Variants in CRY1 observed in about 807,000 individuals in gnomAD.
CRY1 encodes cryptochrome-1.
CRY1 carries 45 observed loss-of-function variants against 76.0 expected under a neutral mutation model. The observed-to-expected ratio is 0.59, with a 90% CI of 0.47 to 0.76. The LOEUF is 0.76. CRY1 is among the 30% of genes least tolerant of loss of function. The pLI, the probability that CRY1 is intolerant of heterozygous loss-of-function variation, is 0.00. For synonymous variants in CRY1, 248 were observed against 244.0 expected, an observed-to-expected ratio of 1.02 and a Z score of -0.15; for missense variants, 587 against 716.4, an observed-to-expected ratio of 0.82 and a Z score of 2.06.
intron 5 of CRY1, among the ~76,000 whole-genome samples, chr12:107,000,287 T>C (rs1044604728): frequency 4.6e-5 from 7 of 152,106 alleles, no homozygotes; most frequent in African/African-American, 1.7e-4. Context: ...GTGCAGCACA[T>C]ACTCATGTGA....
At chr12:107,041,263 C>A (rs1163157140) in intron 1 of CRY1, among the ~76,000 whole-genome samples, 1 of 151,610 alleles carries the variant, frequency 6.6e-6, no homozygotes, top group Non-Finnish European at 1.5e-5. Flanking sequence ...TTAAAATACA[C>A]AAATTTATTG....
intron 1 of CRY1, among the ~76,000 whole-genome samples, chr12:107,052,869 A>G (rs187372540): frequency 6.8e-4 from 103 of 152,352 alleles, no homozygotes; most frequent in Non-Finnish European, 1.2e-3. Context: ...GACATCTTGT[A>G]GACTATGGTA....
At chr12:107,012,932 T>C (rs965067009) in intron 2 of CRY1, among the ~76,000 whole-genome samples, 2 of 152,158 alleles carry the variant, frequency 1.3e-5, no homozygotes, top group African/African-American at 4.8e-5. Context: ...ATTACTGCAA[T>C]CTTATGATAA....
At chr12:107,028,804 T>C (rs1381138076) in intron 1 of CRY1, among the ~76,000 whole-genome samples, 5 of 152,212 alleles carry the variant, frequency 3.3e-5, no homozygotes, top group Non-Finnish European at 7.4e-5. Context: ...TGAGTGATAT[T>C]GCCTTTGGTG....
At chr12:107,087,526 T>A (rs1953417717) in intron 1 of CRY1, among the ~76,000 whole-genome samples, 1 of 152,270 alleles carries the variant, frequency 6.6e-6, no homozygotes, top group Admixed American at 6.5e-5. Context: ...GGTTTCAGAC[T>A]TGGGTGGGTC....
Position 107,013,490 on chromosome 12 carries a change from T to C in CRY1, c.268-8242A>G, listed in dbSNP as rs554176223. On this transcript the variant is annotated intron_variant, in intron 2 of 12. Transcript: ENST00000008527. ...ACATATGCATTGGAAAACAAAAAAA[T>C]TGTGACTTGCTTTATTGTGATGTTT... Among the ~76,000 whole-genome samples, 79 of 152,302 alleles carry C rather than the reference T, an allele frequency of 5.2e-4. 1 individual carries two copies. Among genetic ancestry groups the C allele is most frequent in the African/African-American group, 1.9e-3 (78 of 41,558 alleles).
In CRY1 at chr12:107,059,261, T is replaced by C. The variant is rs188678466; in HGVS notation, c.158+33543A>G. 7.6e-4 allele frequency among the ~76,000 whole-genome samples: 116 copies of C among 152,318 alleles called. No individual in the cohort carries two copies. In the East Asian group the frequency reaches 0.019, roughly 25 times the overall value. ...ATGGGACATGAATAGAGATTTTGTT[T>C]ATTTTTCTGAAACAGGGTCTTGTTC... is the stretch of plus-strand genomic sequence containing the variant. On this transcript the variant is annotated intron_variant, in intron 1 of 12. Transcript: ENST00000008527.
chr12:107,006,374 T>G (rs1952375150), intron 2 of CRY1, among the ~76,000 whole-genome samples: 1 of 149,762 alleles, frequency 6.7e-6, no homozygotes, highest in South Asian at 2.1e-4. Context: ...AGGCTCCATC[T>G]CAAAAAAAAA....
chr12:107,088,604 C>G (rs1468972240), intron 1 of CRY1, among the ~76,000 whole-genome samples: 1 of 152,198 alleles, frequency 6.6e-6, no homozygotes, highest in East Asian at 1.9e-4. Flanking sequence ...TGCCTTGATT[C>G]TGGACATCTT....
In CRY1 at chr12:107,065,465, C is replaced by G. The variant is rs147950677; in HGVS notation, c.158+27339G>C. The stretch of plus-strand genomic sequence containing the variant: ...AAAAAATTAACCAAGCGTGGTGGTG[C>G]ACGCCTGTAATCCCAGCTACTCGGG... On this transcript the variant is annotated intron_variant, in intron 1 of 12. Coordinates refer to ENST00000008527, the MANE Select transcript of CRY1 (RefSeq NM_004075.5). Among the ~76,000 whole-genome samples, 1,045 of 152,088 alleles carry G rather than the reference C, an allele frequency of 6.9e-3. 18 individuals are homozygous for G. The highest frequency in any genetic ancestry group is 0.024 in the African/African-American group (1,002 of 41,478).
intron 1 of CRY1, among the ~76,000 whole-genome samples, chr12:107,047,118 C>T (rs182129890): frequency 9.2e-5 from 14 of 152,088 alleles, no homozygotes; most frequent in East Asian, 3.9e-4. Context: ...ACAGACCACA[C>T]GTTAGGTCAC....
At chr12:107,050,609 C>T (rs1952906926) in intron 1 of CRY1, among the ~76,000 whole-genome samples, 1 of 152,212 alleles carries the variant, frequency 6.6e-6, no homozygotes, top group Non-Finnish European at 1.5e-5. Flanking sequence ...GTGTTAGCAG[C>T]AGCTTCCAGT....
intron 1 of CRY1, among the ~76,000 whole-genome samples, chr12:107,069,348 C>T (rs1297689487): frequency 6.6e-6 from 1 of 151,204 alleles, no homozygotes; most frequent in Non-Finnish European, 1.5e-5. Flanking sequence ...CCTCAGCCTC[C>T]CGAGTAGCTG....
intron 2 of CRY1, among the ~76,000 whole-genome samples, chr12:107,012,184 C>T (rs1031439601): frequency 3.9e-5 from 6 of 152,016 alleles, no homozygotes; most frequent in South Asian, 2.1e-4. Flanking sequence ...AGGAAGACTC[C>T]GTCTCAAAAA....
intron 2 of CRY1, among the ~76,000 whole-genome samples, chr12:107,006,106 C>T (rs1187479718): frequency 4.6e-5 from 7 of 152,104 alleles, no homozygotes; most frequent in African/African-American, 1.4e-4. Flanking sequence ...CTATTCTAGG[C>T]GGCGTGCGGT....
In CRY1 at chr12:107,022,086, T is replaced by G. The variant is rs1353338057; in HGVS notation, c.265A>C (p.Lys89Gln). The change falls in exon 2 of 13, where the codon AAG becomes CAG. Residue 89 changes from lysine (K) to glutamine (Q), a missense_variant and splice_region_variant. Coordinates refer to ENST00000008527, the MANE Select transcript of CRY1 (RefSeq NM_004075.5). ...QPADVFPRLF[K>Q]EWNITKLSIE... is the part of the protein sequence containing the mutation. The stretch of plus-strand genomic sequence containing the variant: ...TATGCAAATATTTTTCAAATTACCT[T>G]GAAAAGCCTGGGAAACACATCTGCT... 1 of 1,595,016 alleles carries G rather than the reference T, an allele frequency of 6.3e-7. No homozygotes were observed.
rs1032288059 is a variant in CRY1, at chr12:106,991,942, T to C, written c.*60A>G. ...TGAAGAATATTTTTAAATAACTTAA[T>C]TGAAAAGTATTGAACTCCCCACCAA... On this transcript the variant is annotated 3_prime_UTR_variant, in exon 13 of 13. Transcript: ENST00000008527. 3.3e-5 allele frequency: 5 copies of C among 152,518 alleles called. No homozygotes were observed. Among genetic ancestry groups the C allele is most frequent in the South Asian group, 2.1e-4 (1 of 4,832 alleles). The allele number at this position is 152,518 out of a possible 1,614,324, so 9.4% of individuals were successfully genotyped here. A position where few individuals can be genotyped will look rare whatever the true frequency, so the allele number is the denominator to read the frequency against.
intron 1 of CRY1, among the ~76,000 whole-genome samples, chr12:107,050,845 T>G (rs1952910196): frequency 6.6e-6 from 1 of 152,014 alleles, no homozygotes; most frequent in South Asian, 2.1e-4. Context: ...GGTGTTTGGA[T>G]GTCAATTATG....
chr12:107,025,153 A>T (rs1016285659), intron 1 of CRY1, among the ~76,000 whole-genome samples: 20 of 152,182 alleles, frequency 1.3e-4, no homozygotes, highest in Admixed American at 3.3e-4. Flanking sequence ...CCCGTTAGGG[A>T]GTGGGGGTTT....
Sources: gnomAD v4.1 joint callset for allele counts (sites outside exome capture counted in the v4.1 genomes callset) on GRCh38, gnomAD v4.1.1 for gene constraint, MANE v1.5 for transcripts, NCBI Gene and HGNC (gene_info 2026-07-23, HGNC 2026-07-21) for gene names.